RFT1: variants seen among roughly 807,000 people sequenced by gnomAD.
RFT1 encodes the protein RFT1 glycolipid translocator homolog, also known as man(5)GlcNAc(2)-PP-dolichol translocation protein RFT1.
Under a neutral mutation model 62.2 loss-of-function variants are expected in RFT1, and 43 were observed. That is an observed-to-expected ratio of 0.69 (90% CI 0.54 to 0.89). The LOEUF (loss-of-function observed/expected upper bound fraction) is 0.89, where lower values mean the gene tolerates loss of function less well. Ranked by LOEUF, RFT1 falls within the 40% of genes least tolerant of loss-of-function variation. RFT1 has a pLI of 0.00. For synonymous variants in RFT1, 262 were observed against 264.6 expected (o/e 0.99, Z 0.10); for missense variants, 605 against 649.9 (o/e 0.93, Z 0.75).
chr3:53,105,423 C>T (rs567094186), intron 9 of RFT1, among the ~76,000 whole-genome samples: 1 of 134,326 alleles, frequency 7.4e-6, no homozygotes, highest in Non-Finnish European at 1.6e-5. Context: ...CCGCCCCCCC[C>T]CCCAAAAAGA....
intron 11 of RFT1, among the ~76,000 whole-genome samples, chr3:53,093,512 T>A (rs1701054731): frequency 6.6e-6 from 1 of 152,138 alleles, no homozygotes; most frequent in Admixed American, 6.5e-5. Flanking sequence ...TCAAAGTATA[T>A]AGCTGTTGAG....
chr3:53,128,251 T>C (rs575279375), intron 1 of RFT1, among the ~76,000 whole-genome samples: 4 of 152,262 alleles, frequency 2.6e-5, no homozygotes, highest in Admixed American at 2.0e-4. Flanking sequence ...TGAGCCGAGA[T>C]AGTGCCACTG....
chr3:53,119,839 A>G (rs779029368), intron 6 of RFT1, 45 bp downstream of exon 6: 1 of 1,520,086 alleles, frequency 6.6e-7, no homozygotes, highest in Non-Finnish European at 9.0e-7. Flanking sequence ...AAGGATAAGC[A>G]GCACCTATGA....
intron 5 of RFT1, among the ~76,000 whole-genome samples, chr3:53,120,788 G>A (rs919609520): frequency 6.6e-6 from 1 of 152,210 alleles, no homozygotes; most frequent in Non-Finnish European, 1.5e-5. Flanking sequence ...GGCTGCTCCT[G>A]TAGTAAAGGC....
chr3:53,069,717 C>G, the RFT1 span, among the ~76,000 whole-genome samples: 2 of 152,166 alleles, frequency 1.3e-5, no homozygotes, highest in African/African-American at 4.8e-5. Flanking sequence ...CCCTGCCCCC[C>G]AGCTCAGCAA....
At chr3:53,074,074 G>C in the RFT1 span, among the ~76,000 whole-genome samples, 3 of 152,172 alleles carry the variant, frequency 2.0e-5, no homozygotes, top group Admixed American at 6.5e-5. Context: ...ATGGGCCCTG[G>C]GGTCTCTGTC....
At chr3:53,116,609 C>CT (rs201773042) in intron 6 of RFT1, among the ~76,000 whole-genome samples, 39 of 146,692 alleles carry the variant, frequency 2.7e-4, no homozygotes, top group East Asian at 2.0e-3. Flanking sequence ...TTTTCTTTCT[C>CT]TTTTTTTTTT....
intron 10 of RFT1, among the ~76,000 whole-genome samples, chr3:53,101,607 T>C (rs1701316534): frequency 6.6e-6 from 1 of 152,182 alleles, no homozygotes; most frequent in African/African-American, 2.4e-5. Flanking sequence ...CCCCCCAAAA[T>C]AGATATGTTA....
At chr3:53,100,099 C>A (rs1014980789) in intron 10 of RFT1, among the ~76,000 whole-genome samples, 2 of 152,186 alleles carry the variant, frequency 1.3e-5, no homozygotes, top group African/African-American at 2.4e-5. Flanking sequence ...CATGAATAGG[C>A]CTGCTGGTTT....
At chr3:53,105,410 T>G (rs1701435422) in intron 9 of RFT1, among the ~76,000 whole-genome samples, 1 of 116,988 alleles carries the variant, frequency 8.5e-6, no homozygotes, top group Admixed American at 7.9e-5. Context: ...CAAGACTCTA[T>G]CCCCGCCCCC....
chr3:53,099,422 C>G lies in RFT1; in HGVS notation c.1167G>C (p.Glu389Asp). The G allele has an allele frequency of 6.2e-7, 1 of 1,614,158 alleles. No homozygotes were observed. The highest frequency in any genetic ancestry group is 8.5e-7 in the Non-Finnish European group (1 of 1,180,008). The change falls in exon 11 of 13, where the codon GAG becomes GAC. Residue 389 changes from glutamate (E) to aspartate (D), a missense_variant. Physicochemically the swap from Glu to Asp is conservative, Grantham distance 45. Transcript: ENST00000296292. ...TGCTCATGGCAGCAAATGTGAAACA[C>G]TCTGTCACTCCATTGATGGCAAGCA... is the stretch of plus-strand genomic sequence containing the variant. ...VLLLAINGVT[E>D]CFTFAAMSKE...
At chr3:53,104,153 T>A in intron 9 of RFT1, 56 bp from the exon 10 acceptor site, 6 of 1,586,032 alleles carry the variant, frequency 3.8e-6, no homozygotes, top group Non-Finnish European at 5.2e-6. Flanking sequence ...AAGAAAACCT[T>A]CATCCTTCAC....
chr3:53,075,729 G>C, the RFT1 span, among the ~76,000 whole-genome samples: 2 of 152,168 alleles, frequency 1.3e-5, no homozygotes, highest in Admixed American at 6.5e-5. Flanking sequence ...ATTCCCTAGG[G>C]CTGACCTTAG....
chr3:53,126,886 C>T (rs1347979007), intron 1 of RFT1, among the ~76,000 whole-genome samples: 3 of 152,216 alleles, frequency 2.0e-5, no homozygotes, highest in African/African-American at 7.2e-5. Context: ...CAAGCACCCT[C>T]AGAGTTATCT....
At chr3:53,105,280 G>T (rs1332413043) in intron 9 of RFT1, among the ~76,000 whole-genome samples, 1 of 152,208 alleles carries the variant, frequency 6.6e-6, no homozygotes, top group African/African-American at 2.4e-5. Context: ...TGGGTGTGGT[G>T]GCGCATGCCT....
At chr3:53,120,044 T>A (rs1432288986) in intron 5 of RFT1, 23 bp from the exon 6 acceptor site, 2 of 1,582,038 alleles carry the variant, frequency 1.3e-6, no homozygotes, top group South Asian at 1.2e-5. Context: ...ATAAACTGTT[T>A]TAATAAAGGC....
At chr3:53,126,068 G>T in intron 1 of RFT1, 74 bp from the exon 2 acceptor site, 1 of 1,203,296 alleles carries the variant, frequency 8.3e-7, no homozygotes, top group Non-Finnish European at 1.2e-6. Flanking sequence ...TGAGAACAAT[G>T]TGGCTGTTCT....
intron 10 of RFT1, 113 bp from the exon 11 acceptor site, chr3:53,099,599 T>C: frequency 1.3e-6 from 1 of 783,194 alleles, no homozygotes; most frequent in Non-Finnish European, 2.2e-6. Flanking sequence ...TCTGCTGGTA[T>C]CAGCAATGGG....
intron 11 of RFT1, among the ~76,000 whole-genome samples, chr3:53,094,565 C>T (rs1056525320): frequency 4.6e-5 from 7 of 152,128 alleles, no homozygotes; most frequent in African/African-American, 1.7e-4. Context: ...AACTTCAGAA[C>T]AAGCCACTCA....
Sources: allele counts gnomAD v4.1 joint callset (sites outside exome capture counted in the v4.1 genomes callset), GRCh38; gene constraint gnomAD v4.1.1; transcripts MANE v1.5; gene names NCBI Gene and HGNC (gene_info 2026-07-23, HGNC 2026-07-21).